Variants in BARHL1 observed in about 807,000 individuals in gnomAD.
BARHL1 encodes BarH like homeobox 1.
Under a neutral mutation model 20.1 loss-of-function variants are expected in BARHL1, and 2 were observed. The ratio of observed to expected loss-of-function variants is 0.10; its 90% confidence interval spans 0.04 to 0.31. The LOEUF (loss-of-function observed/expected upper bound fraction) is 0.31, where lower values mean the gene tolerates loss of function less well. Ranked by LOEUF, BARHL1 falls within the 10% of genes least tolerant of loss-of-function variation. BARHL1 has a pLI of 1.00. For missense variants in BARHL1, 397 were observed against 454.0 expected (o/e 0.87, Z 1.14); for synonymous variants, 213 against 209.9 (o/e 1.01, Z -0.13).
chr9:132,582,718 G>T lies in BARHL1; in HGVS notation c.-80G>T. 1 of 1,302,404 alleles carries T rather than the reference G, an allele frequency of 7.7e-7. No individual in the cohort carries two copies. Among genetic ancestry groups the T allele is most frequent in the Non-Finnish European group, 1.0e-6 (1 of 952,896 alleles). 80.7% of individuals were successfully genotyped at this position (1,302,404 alleles called of 1,614,324 possible). On this transcript the variant is annotated 5_prime_UTR_variant, in exon 1 of 3. Coordinates refer to ENST00000263610, the MANE Select transcript of BARHL1 (RefSeq NM_020064.4). ...CTGCCCGCCTTCCCCATGCCAGCCCGCAGCTAGGGGCAGGGGCAGCGGCGG... is the reference window on the plus strand; with the variant it reads ...CTGCCCGCCTTCCCCATGCCAGCCCTCAGCTAGGGGCAGGGGCAGCGGCGG...
At position 132,582,966 on chromosome 9, in the gene BARHL1, G is replaced by T; in HGVS notation, c.169G>T (p.Asp57Tyr). Residue 57 changes from aspartate to tyrosine, a missense_variant, in exon 1 of 3, where the codon GAC becomes TAC. By Grantham distance (160) the Asp-to-Tyr change is radical. Transcript: ENST00000263610. ...CTCTTCGCCAGCCTCTCCAGGAAGG[G>T]ACTGTTTGGAGACGGGGACCCCACG... ...DCSSPASPGRDCLETGTPRPG... is the reference protein window; with the variant it reads ...DCSSPASPGRYCLETGTPRPG... 3.1e-6 allele frequency: 5 copies of T among 1,613,940 alleles called. No homozygotes were observed. The highest frequency in any genetic ancestry group is 4.2e-6 in the Non-Finnish European group (5 of 1,179,952).
chr9:132,589,700 C>G lies in BARHL1; in HGVS notation c.*178C>G. On this transcript the variant is annotated 3_prime_UTR_variant, in exon 3 of 3. Coordinates refer to ENST00000263610, the MANE Select transcript of BARHL1 (RefSeq NM_020064.4). ...TGCCAAGTCCACTGAGGCCCGGACC[C>G]CGGACTGCGTCTCCCCAGCCCCCCT... is the stretch of plus-strand genomic sequence containing the variant. The G allele has an allele frequency of 2.3e-6, 2 of 865,084 alleles. No individual in the cohort carries two copies. The highest frequency in any genetic ancestry group is 3.0e-6 in the Non-Finnish European group (2 of 662,124). 53.6% of individuals were successfully genotyped at this position (865,084 alleles called of 1,614,324 possible).
In BARHL1 at chr9:132,586,234, G is replaced by A. The variant is rs546014688; in HGVS notation, c.467-1095G>A. ...ACAGAGAGAAATCACCTTGCATTCA[G>A]CTGAACCCCGTCACTGCAAACGCCA... On this transcript the variant is annotated intron_variant, in intron 1 of 2. Coordinates refer to ENST00000263610, the MANE Select transcript of BARHL1 (RefSeq NM_020064.4). 2.8e-4 allele frequency among the ~76,000 whole-genome samples: 43 copies of A among 152,336 alleles called. No individual in the cohort carries two copies. The South Asian group carries it at 6.8e-3, about 24-fold the overall frequency.
chr9:132,585,521 C>A (rs1449552149), intron 1 of BARHL1, among the ~76,000 whole-genome samples: 1 of 152,144 alleles, frequency 6.6e-6, no homozygotes. Flanking sequence ...AGGTGGTCGG[C>A]GACACTAGCG....
rs1214876153 is a variant in BARHL1 at position 132,587,569 on chromosome 9, G to A, written c.689+18G>A. 1 of 1,592,366 alleles carries A rather than the reference G, an allele frequency of 6.3e-7. No individual in the cohort carries two copies. Among genetic ancestry groups the A allele is most frequent in the Non-Finnish European group, 8.6e-7 (1 of 1,168,390 alleles). On this transcript the variant is annotated intron_variant, in intron 2 of 2. Coordinates refer to ENST00000263610, the MANE Select transcript of BARHL1 (RefSeq NM_020064.4). This position sits in a 1 kb window ranked among gnomAD's most constrained non-coding sequence, Gnocchi z 5.5. The stretch of plus-strand genomic sequence containing the variant: ...AACCGCAGGTGAGGCCTGGCTGCGG[G>A]GGTAGAGGCAGAAAGGGAACTTCCC...
chr9:132,588,797 AC>A (rs11353756), intron 2 of BARHL1, among the ~76,000 whole-genome samples: 77,853 of 151,390 alleles, frequency 0.51, 20,529 homozygotes, highest in Non-Finnish European at 0.58. Context: ...CCTGAAGAGC[AC>A]CCCCCCATCC....
chr9:132,588,052 C>A (rs921534069), intron 2 of BARHL1, among the ~76,000 whole-genome samples: 2 of 152,166 alleles, frequency 1.3e-5, no homozygotes, highest in African/African-American at 2.4e-5. Flanking sequence ...GCCTCCCCAG[C>A]CTTTCTGGTC....
In BARHL1 at chr9:132,590,057, T is replaced by G. The variant is rs1830193729; in HGVS notation, c.*535T>G. ...TATGAAGTTATTTATTCGTGACCCA[T>G]GAGCCCGTGACCGTGTCCGTGGATT... On this transcript the variant is annotated 3_prime_UTR_variant, in exon 3 of 3. Transcript: ENST00000263610. 6.5e-6 allele frequency: 1 copy of G among 153,044 alleles called. No individual in the cohort carries two copies. The highest frequency in any genetic ancestry group is 2.4e-5 in the African/African-American group (1 of 41,488). The allele number at this position is 153,044 out of a possible 1,614,324, so 9.5% of individuals were successfully genotyped here.
chr9:132,589,370 T>C lies in BARHL1; in HGVS notation c.832T>C (p.Tyr278His). The change falls in exon 3 of 3, where the codon TAC becomes CAC. Residue 278 changes from tyrosine (Y) to histidine (H), a missense_variant. By Grantham distance (83) the Tyr-to-His change is moderately conservative. Coordinates refer to ENST00000263610, the MANE Select transcript of BARHL1 (RefSeq NM_020064.4). Reference protein sequence around the residue: ...VSNLDPGAALYLYRGPSAPPP... With the variant: ...VSNLDPGAALHLYRGPSAPPP... ...CAACCTGGACCCCGGCGCGGCGCTCTACCTGTACCGCGGCCCCAGCGCGCC... is the reference window on the plus strand; with the variant it reads ...CAACCTGGACCCCGGCGCGGCGCTCCACCTGTACCGCGGCCCCAGCGCGCC... 2.5e-6 allele frequency: 4 copies of C among 1,612,886 alleles called. No individual in the cohort carries two copies. The highest frequency in any genetic ancestry group is 1.7e-5 in the Admixed American group (1 of 59,980).
At position 132,582,855 on chromosome 9, in the gene BARHL1, C is replaced by T; in HGVS notation, c.58C>T (p.Pro20Ser). 6.2e-7 allele frequency: 1 copy of T among 1,610,888 alleles called. No individual in the cohort carries two copies. The highest frequency in any genetic ancestry group is 2.1e-4 in the Middle Eastern group (1 of 4,836). ...CATTCTCTCCCACCGCGCGGGCAGCCCCGCCCTTCCCAAGGGGGACCCCTT... is the reference window on the plus strand; with the variant it reads ...CATTCTCTCCCACCGCGCGGGCAGCTCCGCCCTTCCCAAGGGGGACCCCTT... ...DSILSHRAGSPALPKGDPLLG... is the reference protein window; with the variant it reads ...DSILSHRAGSSALPKGDPLLG... The change falls in exon 1 of 3, where the codon CCC (proline) becomes TCC (serine). Residue 20 changes from proline to serine, a missense_variant. Physicochemically the swap from Pro to Ser is moderately conservative, Grantham distance 74 (BLOSUM62 -1). Transcript: ENST00000263610.
chr9:132,585,867 C>A (rs1418040914), intron 1 of BARHL1, among the ~76,000 whole-genome samples: 1 of 152,224 alleles, frequency 6.6e-6, no homozygotes, highest in Non-Finnish European at 1.5e-5. Flanking sequence ...GTAGCCCAGG[C>A]AATTTGGTCA....
In BARHL1 at chr9:132,587,114, G is replaced by C. The variant is rs1161361412; in HGVS notation, c.467-215G>C. 6.6e-6 allele frequency among the ~76,000 whole-genome samples: 1 copy of C among 152,224 alleles called. No individual in the cohort carries two copies. Among genetic ancestry groups the C allele is most frequent in the African/African-American group, 2.4e-5 (1 of 41,468 alleles). ...TCCCCGGAGCTGCCCGGGGGGTCTC[G>C]GCCTCGGGCGCTCCCGCCGCCGTCC... On this transcript the variant is annotated intron_variant, in intron 1 of 2. Coordinates refer to ENST00000263610, the MANE Select transcript of BARHL1 (RefSeq NM_020064.4). This position sits in a 1 kb window ranked among gnomAD's most constrained non-coding sequence, Gnocchi z 5.5.
chr9:132,582,610 T>C lies in BARHL1; in HGVS notation c.-188T>C. On this transcript the variant is annotated 5_prime_UTR_variant, in exon 1 of 3. Transcript: ENST00000263610. ...CTGCAGAAGACGCACTGAGCCCTTT[T>C]GGATCTAATGCGCAGAGGAGGTTGG... The C allele has an allele frequency of 1.7e-6, 1 of 577,720 alleles. No homozygotes were observed. Among genetic ancestry groups the C allele is most frequent in the Non-Finnish European group, 3.1e-6 (1 of 327,732 alleles). 35.8% of individuals were successfully genotyped at this position (577,720 alleles called of 1,614,324 possible).
Position 132,587,250 on chromosome 9 carries a change from CACAA to C in BARHL1, c.467-76_467-73del. On this transcript the variant is annotated intron_variant, in intron 1 of 2. Coordinates refer to ENST00000263610, the MANE Select transcript of BARHL1 (RefSeq NM_020064.4). This position sits in a 1 kb window ranked among gnomAD's most constrained non-coding sequence, Gnocchi z 5.5. ...CCACCGCTGTCGGAAGCCGAGGTTACACAAACGCCACGGGCAGGAGCGGGAGGGC... is the reference window on the plus strand; with the variant it reads ...CCACCGCTGTCGGAAGCCGAGGTTACACGCCACGGGCAGGAGCGGGAGGGC... 2 of 1,358,238 alleles carry C rather than the reference CACAA, an allele frequency of 1.5e-6. No homozygotes were observed. Among genetic ancestry groups the C allele is most frequent in the South Asian group, 2.7e-5 (2 of 75,258 alleles). The allele number at this position is 1,358,238 out of a possible 1,614,324, so 84.1% of individuals were successfully genotyped here.
At chr9:132,585,776 A>G (rs1265888663) in intron 1 of BARHL1, among the ~76,000 whole-genome samples, 1 of 152,222 alleles carries the variant, frequency 6.6e-6, no homozygotes, top group East Asian at 1.9e-4. Context: ...TAGCTGACCC[A>G]TTCTTCCTGA....
Position 132,582,611 on chromosome 9 carries a change from G to T in BARHL1, c.-187G>T, listed in dbSNP as rs932541256. The T allele has an allele frequency of 1.7e-6, 1 of 578,466 alleles. No individual in the cohort carries two copies. Among genetic ancestry groups the T allele is most frequent in the Admixed American group, 3.1e-5 (1 of 32,222 alleles). The allele number at this position is 578,466 out of a possible 1,614,324, so 35.8% of individuals were successfully genotyped here. On this transcript the variant is annotated 5_prime_UTR_variant, in exon 1 of 3. Transcript: ENST00000263610. ...TGCAGAAGACGCACTGAGCCCTTTT[G>T]GATCTAATGCGCAGAGGAGGTTGGC...
intron 1 of BARHL1, among the ~76,000 whole-genome samples, chr9:132,584,671 G>C (rs1438791753): frequency 6.6e-6 from 1 of 152,136 alleles, no homozygotes; most frequent in East Asian, 1.9e-4. Context: ...CACACAAATG[G>C]CCGAGCCTCC....
At chr9:132,586,151 CT>C (rs1050397151) in intron 1 of BARHL1, among the ~76,000 whole-genome samples, 2 of 152,222 alleles carry the variant, frequency 1.3e-5, no homozygotes, top group Non-Finnish European at 2.9e-5. Flanking sequence ...GAAGCGCTGC[CT>C]TTTCAGTTGA....
chr9:132,590,029 G>A lies in BARHL1; in HGVS notation c.*507G>A, dbSNP rs1830193416. 6.5e-6 allele frequency: 1 copy of A among 153,794 alleles called. No homozygotes were observed. The highest frequency in any genetic ancestry group is 1.5e-5 in the Non-Finnish European group (1 of 68,910). 9.5% of individuals were successfully genotyped at this position (153,794 alleles called of 1,614,324 possible). ...GAGCTGTACATACCGTGTGCAAAGT[G>A]TATATGAAGTTATTTATTCGTGACC... On this transcript the variant is annotated 3_prime_UTR_variant, in exon 3 of 3. Transcript: ENST00000263610.
Sources: allele counts gnomAD v4.1 joint callset (sites outside exome capture counted in the v4.1 genomes callset), GRCh38; gene constraint gnomAD v4.1.1; non-coding constraint Gnocchi (gnomAD v3.1); transcripts MANE v1.5; gene names NCBI Gene and HGNC (gene_info 2026-07-23, HGNC 2026-07-21).